The following NFYC variants were observed in gnomAD, a reference collection of about 807,000 sequenced individuals.
NFYC encodes the protein CAAT box DNA-binding protein subunit C.
A neutral mutation model predicts 53.1 loss-of-function variants in NFYC; 25 were observed. The observed-to-expected ratio is 0.47, with a 90% CI of 0.34 to 0.66. The LOEUF (loss-of-function observed/expected upper bound fraction) is 0.66, where lower values mean the gene tolerates loss of function less well. Ranked by LOEUF, NFYC falls within the 30% of genes least tolerant of loss-of-function variation. NFYC has a pLI of 0.01. For missense variants in NFYC, 260 were observed against 422.7 expected (o/e 0.62, Z 3.38); for synonymous variants, 145 against 152.6 (o/e 0.95, Z 0.37).
chr1:40,749,459 C>T, intron 3 of NFYC, 114 bp from the exon 4 acceptor site: 1 of 761,712 alleles, frequency 1.3e-6, no homozygotes, highest in Non-Finnish European at 2.3e-6. Flanking sequence ...CTTGAGTATA[C>T]CACCTCATTT....
At chr1:40,750,981 T>A (rs900479385) in intron 4 of NFYC, among the ~76,000 whole-genome samples, 1 of 152,198 alleles carries the variant, frequency 6.6e-6, no homozygotes, top group Non-Finnish European at 1.5e-5. Context: ...TGAAAAAATA[T>A]TAGACATTTT....
chr1:40,712,658 CTTTTTTTTTTTTTT>C (rs3081775), intron 1 of NFYC: 1 of 71,024 alleles, frequency 1.4e-5, no homozygotes, highest in Non-Finnish European at 2.4e-5. Flanking sequence ...GGATTAATGC[CTTTTTTTTTTTTTT>C]TTTTTTTTTT....
At chr1:40,718,974 C>T (rs1195934344) in intron 1 of NFYC, among the ~76,000 whole-genome samples, 1 of 152,122 alleles carries the variant, frequency 6.6e-6, no homozygotes, top group Non-Finnish European at 1.5e-5. Context: ...CAGGTTCAAG[C>T]GATTCTCCTG....
chr1:40,726,963 C>T (rs1052118914), intron 1 of NFYC, among the ~76,000 whole-genome samples: 8 of 152,084 alleles, frequency 5.3e-5, no homozygotes, highest in African/African-American at 1.9e-4. Flanking sequence ...CTTTCTTTGC[C>T]TTCCATAAGA....
At chr1:40,716,985 T>A (rs1000013139) in intron 1 of NFYC, among the ~76,000 whole-genome samples, 2 of 152,102 alleles carry the variant, frequency 1.3e-5, no homozygotes, top group African/African-American at 4.8e-5. Flanking sequence ...AAGATAGATT[T>A]GATTTGGGGC....
At chr1:40,729,898 A>G (rs1270582838) in intron 1 of NFYC, among the ~76,000 whole-genome samples, 1 of 150,844 alleles carries the variant, frequency 6.6e-6, no homozygotes. Context: ...GTGGTCTTGA[A>G]CTCCTGACCT....
rs1242665892 is a variant in NFYC at position 40,771,339 on chromosome 1, C to T, written c.*511C>T. On this transcript the variant is annotated 3_prime_UTR_variant, in exon 10 of 10. Transcript: ENST00000447388. ...GCTTTTTCACTCGTGGTCCTCTCCC[C>T]ATCCCTTGCTCTGACCCCAGAGCTC... The T allele has an allele frequency of 4.7e-6, 2 of 430,104 alleles. No individual in the cohort carries two copies. Among genetic ancestry groups the T allele is most frequent in the South Asian group, 1.7e-5 (1 of 59,022 alleles). 26.6% of individuals were successfully genotyped at this position (430,104 alleles called of 1,614,324 possible). A position where few individuals can be genotyped will look rare whatever the true frequency, so the allele number is the denominator to read the frequency against.
intron 1 of NFYC, among the ~76,000 whole-genome samples, chr1:40,720,228 A>G (rs897737615): frequency 1.3e-5 from 2 of 152,210 alleles, no homozygotes; most frequent in African/African-American, 4.8e-5. Context: ...GAATGAGCAG[A>G]ATCTAGACAG....
intron 2 of NFYC, among the ~76,000 whole-genome samples, chr1:40,739,220 T>G (rs1291344134): frequency 1.3e-5 from 2 of 152,226 alleles, no homozygotes; most frequent in East Asian, 3.8e-4. Flanking sequence ...GCATATCCTT[T>G]AGGACTTACA....
chr1:40,751,277 AAATT>A lies in NFYC; in HGVS notation c.291+1593_291+1596del, dbSNP rs537297317. Among the ~76,000 whole-genome samples the A allele has an allele frequency of 4.3e-4, 66 of 152,352 alleles. 1 individual carries two copies. The South Asian group carries it at 0.012, about 28-fold the overall frequency. The stretch of plus-strand genomic sequence containing the variant: ...GTTAACAAAAGGAACCAGAGGGAAA[AAATT>A]ACATAGTGCATGATACAATGCATTA... On this transcript the variant is annotated intron_variant, in intron 4 of 9. Transcript: ENST00000447388.
intron 1 of NFYC, among the ~76,000 whole-genome samples, chr1:40,736,855 G>A (rs540332330): frequency 1.4e-4 from 20 of 147,594 alleles, no homozygotes; most frequent in African/African-American, 3.0e-4. Context: ...GGCTGGGCGC[G>A]GTGGCTCACG....
chr1:40,704,845 C>T (rs1570326038), intron 1 of NFYC, among the ~76,000 whole-genome samples: 1 of 152,234 alleles, frequency 6.6e-6, no homozygotes, highest in Non-Finnish European at 1.5e-5. Flanking sequence ...GTAGTCTTCC[C>T]ATACTGTCCT....
At chr1:40,769,540 T>A (rs1646981468) in intron 9 of NFYC, 125 bp downstream of exon 9, 2 of 785,408 alleles carry the variant, frequency 2.5e-6, no homozygotes, top group Admixed American at 4.2e-5. Context: ...GGACAGAAAT[T>A]GTTAAAACAA....
chr1:40,715,943 T>C (rs919898125), intron 1 of NFYC, among the ~76,000 whole-genome samples: 3 of 152,238 alleles, frequency 2.0e-5, no homozygotes, highest in African/African-American at 7.2e-5. Flanking sequence ...TATCCTTTCT[T>C]CTTGGAAGTA....
intron 1 of NFYC, chr1:40,712,682 T>TTTC (rs1643975098): frequency 7.9e-6 from 1 of 126,428 alleles, no homozygotes; most frequent in Non-Finnish European, 1.7e-5. Flanking sequence ...TTTTTTTTTT[T>TTTC]GCAGACGAGG....
intron 2 of NFYC, among the ~76,000 whole-genome samples, chr1:40,747,045 G>A (rs1222072816): frequency 1.3e-5 from 2 of 152,188 alleles, no homozygotes; most frequent in Non-Finnish European, 2.9e-5. Flanking sequence ...GCCACTATCA[G>A]TTGTAAAGAA....
intron 6 of NFYC, among the ~76,000 whole-genome samples, chr1:40,760,373 C>A (rs904549688): frequency 1.3e-5 from 2 of 152,070 alleles, no homozygotes; most frequent in African/African-American, 4.8e-5. Context: ...TGGAGACCAG[C>A]CTGGGCAATA....
At chr1:40,729,822 C>T (rs1644685297) in intron 1 of NFYC, among the ~76,000 whole-genome samples, 1 of 151,834 alleles carries the variant, frequency 6.6e-6, no homozygotes, top group African/African-American at 2.4e-5. Flanking sequence ...ATTACAGGCG[C>T]CCACTACCAT....
intron 5 of NFYC, among the ~76,000 whole-genome samples, chr1:40,756,744 A>G (rs1646245464): frequency 6.6e-6 from 1 of 152,210 alleles, no homozygotes; most frequent in Non-Finnish European, 1.5e-5. Context: ...GGATTCAGAG[A>G]ACTACTTTCC....
Sources: gnomAD v4.1 joint callset for allele counts (sites outside exome capture counted in the v4.1 genomes callset) on GRCh38, gnomAD v4.1.1 for gene constraint, MANE v1.5 for transcripts, NCBI Gene and HGNC (gene_info 2026-07-23, HGNC 2026-07-21) for gene names.